ATP5MJ: variants seen among roughly 807,000 people sequenced by gnomAD.
ATP5MJ encodes ATP synthase F(0) complex subunit j, mitochondrial.
Under a neutral mutation model 8.3 loss-of-function variants are expected in ATP5MJ, and 4 were observed. That is an observed-to-expected ratio of 0.48 (90% CI 0.24 to 1.11). ATP5MJ has a LOEUF of 1.11. ATP5MJ is among the 50% of genes least tolerant of loss of function. The pLI is 0.18. For synonymous variants in ATP5MJ, 23 were observed against 21.3 expected, an observed-to-expected ratio of 1.08 and a Z score of -0.23; for missense variants, 66 against 71.8, an observed-to-expected ratio of 0.92 and a Z score of 0.29.
At chr14:103,919,980 C>T (rs975592081) in intron 1 of ATP5MJ, among the ~76,000 whole-genome samples, 8 of 150,202 alleles carry the variant, frequency 5.3e-5, no homozygotes, top group Non-Finnish European at 1.0e-4. Flanking sequence ...GAGGCCGCCA[C>T]CACACCCAGC....
rs1244346748 is a variant in ATP5MJ at position 103,912,476 on chromosome 14, G to C, written c.*190C>G. On this transcript the variant is annotated 3_prime_UTR_variant, in exon 4 of 4. Transcript: ENST00000286953. Reference sequence around the variant, plus strand: ...CAGAGTATGCCTGACACGCCGGAGGGGCTGAGGGGGAACACACTGAAAGCA... The same window carrying C: ...CAGAGTATGCCTGACACGCCGGAGGCGCTGAGGGGGAACACACTGAAAGCA... The C allele has an allele frequency of 1.5e-6, 1 of 647,438 alleles. No individual in the cohort carries two copies. Among genetic ancestry groups the C allele is most frequent in the African/African-American group, 1.8e-5 (1 of 55,678 alleles). 40.1% of individuals were successfully genotyped at this position (647,438 alleles called of 1,614,324 possible).
At chr14:103,915,577 G>C (rs571520158) in intron 1 of ATP5MJ, among the ~76,000 whole-genome samples, 2 of 152,002 alleles carry the variant, frequency 1.3e-5, no homozygotes, top group Non-Finnish European at 2.9e-5. Context: ...GAACTCCTGA[G>C]TGCAGGCGAT....
intron 1 of ATP5MJ, among the ~76,000 whole-genome samples, chr14:103,916,777 C>T (rs774076488): frequency 2.0e-5 from 3 of 152,056 alleles, no homozygotes; most frequent in Admixed American, 6.6e-5. Flanking sequence ...GCGTTGGCTG[C>T]GGCTGTAATG....
chr14:103,914,575 A>G (rs2087607572), intron 2 of ATP5MJ: 2 of 688,448 alleles, frequency 2.9e-6, no homozygotes, highest in African/African-American at 1.8e-5. Flanking sequence ...CCAAGATTGG[A>G]GGACTGCTTG....
intron 1 of ATP5MJ, among the ~76,000 whole-genome samples, chr14:103,920,129 CTTT>C (rs74373978): frequency 1.6e-5 from 2 of 121,448 alleles, no homozygotes. Flanking sequence ...CCGGCCCCTA[CTTT>C]TTTTTTTTTT....
chr14:103,916,787 G>A (rs935429979), intron 1 of ATP5MJ, among the ~76,000 whole-genome samples: 3 of 152,096 alleles, frequency 2.0e-5, no homozygotes, highest in Non-Finnish European at 4.4e-5. Flanking sequence ...CGGCTGTAAT[G>A]CTGCCTCCAC....
chr14:103,913,829 A>G, intron 3 of ATP5MJ, 132 bp downstream of exon 3: 2 of 1,016,384 alleles, frequency 2.0e-6, no homozygotes, highest in South Asian at 1.6e-5. Context: ...CAAGCTGTGA[A>G]GCATTTCAAC....
Position 103,915,162 on chromosome 14 carries a change from A to G in ATP5MJ, c.28T>C (p.Trp10Arg), listed in dbSNP as rs1595877625. 2 of 1,613,696 alleles carry G rather than the reference A, an allele frequency of 1.2e-6. No homozygotes were observed. Among genetic ancestry groups the G allele is most frequent in the South Asian group, 2.2e-5 (2 of 91,052 alleles). The change falls in exon 2 of 4, where the codon TGG becomes CGG. Residue 10 changes from tryptophan to arginine, a missense_variant. Physicochemically the swap from Trp to Arg is moderately radical, Grantham distance 101 (BLOSUM62 -3). Transcript: ENST00000286953. ...GTGTAGTAGGGCTTCATGGGGATCC[A>G]TATGTTTTTAATAATACTTTGAAGC... MLQSIIKNI[W>R]IPMKPYYTKV...
intron 3 of ATP5MJ, chr14:103,912,919 A>G (rs1443310628): frequency 1.8e-6 from 1 of 545,698 alleles, no homozygotes; most frequent in African/African-American, 1.9e-5. Context: ...GCGCAAAGAG[A>G]GAGGCAGGGA....
At chr14:103,916,607 C>T (rs935482548) in intron 1 of ATP5MJ, among the ~76,000 whole-genome samples, 1 of 152,064 alleles carries the variant, frequency 6.6e-6, no homozygotes, top group East Asian at 1.9e-4. Context: ...TGGTGCTTGC[C>T]TGGCTAATTT....
At position 103,912,687 on chromosome 14, in the gene ATP5MJ, C is replaced by T. The variant is rs773442111; in HGVS notation, c.156G>A (p.Ala52=). Residue 52 remains alanine, a synonymous_variant, in exon 4 of 4, where the codon GCG becomes GCA. Transcript: ENST00000286953. ...CTGGTTAGTGATGACCAGGAGCAGG[C>T]GCTGAAGCTTTTGAAAGAGATGCAT... ...DKRSKALKAS[A]PAPGHH 3.9e-5 allele frequency: 63 copies of T among 1,613,736 alleles called. No homozygotes were observed. The highest frequency in any genetic ancestry group is 4.9e-5 in the Non-Finnish European group (58 of 1,179,884).
At chr14:103,912,759 T>A in intron 3 of ATP5MJ, 65 bp from the exon 4 acceptor site, 2 of 1,501,318 alleles carry the variant, frequency 1.3e-6, no homozygotes, top group South Asian at 2.3e-5. Context: ...ATGTAATTTA[T>A]TAAACAAGTA....
intron 1 of ATP5MJ, among the ~76,000 whole-genome samples, chr14:103,919,541 T>A (rs1018180572): frequency 6.6e-6 from 1 of 152,132 alleles, no homozygotes; most frequent in African/African-American, 2.4e-5. Context: ...GTAGGGGCTT[T>A]GGACAGAACA....
intron 1 of ATP5MJ, among the ~76,000 whole-genome samples, chr14:103,920,468 CTTTTTT>C (rs57538744): frequency 5.6e-5 from 6 of 106,548 alleles, no homozygotes; most frequent in Admixed American, 3.4e-4. Flanking sequence ...ACAGCCCCTA[CTTTTTT>C]TTTTTTTTTT....
At position 103,915,136 on chromosome 14, in the gene ATP5MJ, G is replaced by T. The variant is rs1398657229; in HGVS notation, c.54C>A (p.Thr18=). 1.2e-6 allele frequency: 2 copies of T among 1,613,786 alleles called. No individual in the cohort carries two copies. Among genetic ancestry groups the T allele is most frequent in the Non-Finnish European group, 1.7e-6 (2 of 1,179,856 alleles). ...NIWIPMKPYY[T]KVYQEIWIGM... is the part of the protein sequence containing the mutation. ...CTATCCAAATCTCCTGGTAAACTTTGGTGTAGTAGGGCTTCATGGGGATCC... is the reference window on the plus strand; with the variant it reads ...CTATCCAAATCTCCTGGTAAACTTTTGTGTAGTAGGGCTTCATGGGGATCC... Residue 18 remains threonine (T), a synonymous_variant, in exon 2 of 4, where the codon ACC becomes ACA. Coordinates refer to ENST00000286953, the MANE Select transcript of ATP5MJ (RefSeq NM_004894.3).
chr14:103,919,757 C>A (rs2087657559), intron 1 of ATP5MJ, among the ~76,000 whole-genome samples: 1 of 152,156 alleles, frequency 6.6e-6, no homozygotes, highest in Admixed American at 6.5e-5. Flanking sequence ...CTTTCCCTTC[C>A]TTTCCCCTTG....
intron 1 of ATP5MJ, among the ~76,000 whole-genome samples, chr14:103,917,320 G>C (rs1037400044): frequency 1.3e-5 from 2 of 152,138 alleles, no homozygotes; most frequent in African/African-American, 4.8e-5. Context: ...TGAGTGTCTG[G>C]TACTGTATAT....
rs78104841 is a variant in ATP5MJ at position 103,921,308 on chromosome 14, C to T, written c.-1+162G>A. The T allele has an allele frequency of 9.5e-3, 3,232 of 339,318 alleles. 96 individuals carry two copies. Among genetic ancestry groups the T allele is most frequent in the African/African-American group, 0.062 (2,998 of 48,348 alleles). The allele number at this position is 339,318 out of a possible 1,614,324, so 21.0% of individuals were successfully genotyped here. A position where few individuals can be genotyped will look rare whatever the true frequency, so the allele number is the denominator to read the frequency against. On this transcript the variant is annotated intron_variant, in intron 1 of 3. Coordinates refer to ENST00000286953, the MANE Select transcript of ATP5MJ (RefSeq NM_004894.3). ...GCGATGCTTCCCTCTGGCAACCGAC[C>T]CTGGCCTACCTCCCTTCAGAGAAGG...
In ATP5MJ at chr14:103,912,559, A is replaced by C; in HGVS notation, c.*107T>G. On this transcript the variant is annotated 3_prime_UTR_variant, in exon 4 of 4. Transcript: ENST00000286953. ...TTATTCATGCCATGAAGTAAACGGT[A>C]CTTATACAAGTGTACAGTGACGTTC... The C allele has an allele frequency of 8.9e-7, 1 of 1,129,680 alleles. No individual in the cohort carries two copies. The highest frequency in any genetic ancestry group is 1.3e-6 in the Non-Finnish European group (1 of 754,218). The allele number at this position is 1,129,680 out of a possible 1,614,324, so 70.0% of individuals were successfully genotyped here. A position where few individuals can be genotyped will look rare whatever the true frequency, so the allele number is the denominator to read the frequency against.
Sources: gnomAD v4.1 joint callset for allele counts (sites outside exome capture counted in the v4.1 genomes callset) on GRCh38, gnomAD v4.1.1 for gene constraint, MANE v1.5 for transcripts, NCBI Gene and HGNC (gene_info 2026-07-23, HGNC 2026-07-21) for gene names.